DTNA: variants seen among roughly 807,000 people sequenced by gnomAD.
DTNA encodes dystrophin-related protein 3.
In DTNA, 43 loss-of-function variants were observed where a neutral mutation model predicts 100.7. The ratio of observed to expected loss-of-function variants is 0.43; its 90% CI spans 0.33 to 0.55. The LOEUF (loss-of-function observed/expected upper bound fraction) is 0.55, where lower values mean the gene tolerates loss of function less well. Ranked by LOEUF, DTNA falls within the 20% of genes least tolerant of loss-of-function variation. DTNA has a pLI of 0.04. For missense variants in DTNA, 798 were observed against 953.9 expected, an observed-to-expected ratio of 0.84 and a Z score of 2.15; for synonymous variants, 349 against 347.9, an observed-to-expected ratio of 1.00 and a Z score of -0.04.
At chr18:34,762,482 A>G (rs369866504) in intron 2 of DTNA, among the ~76,000 whole-genome samples, 105 of 152,314 alleles carry the variant, frequency 6.9e-4, no homozygotes, top group African/African-American at 2.5e-3. Flanking sequence ...GAATGAAGAC[A>G]CAGAACTAAT....
At chr18:34,744,368 T>C (rs2091226327) in intron 1 of DTNA, among the ~76,000 whole-genome samples, 1 of 152,152 alleles carries the variant, frequency 6.6e-6, no homozygotes, top group Non-Finnish European at 1.5e-5. Flanking sequence ...CATGCCACTG[T>C]TGGATTCACA....
chr18:34,664,594 G>A (rs948189805), intron 1 of DTNA, among the ~76,000 whole-genome samples: 3 of 152,038 alleles, frequency 2.0e-5, no homozygotes, highest in African/African-American at 7.2e-5. Flanking sequence ...TGGTGGTGTG[G>A]TTGTGGAGTG....
intron 1 of DTNA, among the ~76,000 whole-genome samples, chr18:34,685,127 G>A (rs978256666): frequency 1.3e-5 from 2 of 152,118 alleles, no homozygotes; most frequent in Admixed American, 6.6e-5. Flanking sequence ...TTCTTTTACT[G>A]TGCAGAAGCT....
chr18:34,744,206 T>C (rs964012471), intron 1 of DTNA, among the ~76,000 whole-genome samples: 1 of 152,152 alleles, frequency 6.6e-6, no homozygotes, highest in Non-Finnish European at 1.5e-5. Context: ...ACATAGTAAA[T>C]GAGAGGTTTC....
intron 1 of DTNA, among the ~76,000 whole-genome samples, chr18:34,545,570 A>G (rs1300022504): frequency 6.6e-6 from 1 of 152,132 alleles, no homozygotes; most frequent in Non-Finnish European, 1.5e-5. Context: ...TTTTCATGGT[A>G]GCATGTAAAA....
chr18:34,815,556 T>G, intron 6 of DTNA: 1 of 272,862 alleles, frequency 3.7e-6, no homozygotes, highest in Non-Finnish European at 7.1e-6. Context: ...TGAGCTATGA[T>G]GCGTTCTTGA....
At chr18:34,786,192 T>C (rs1422930188) in intron 3 of DTNA, among the ~76,000 whole-genome samples, 1 of 152,230 alleles carries the variant, frequency 6.6e-6, no homozygotes, top group Non-Finnish European at 1.5e-5. Flanking sequence ...ATCTGTTCAT[T>C]CTAAGGACAT....
chr18:34,825,875 A>G (rs16966033), intron 9 of DTNA, among the ~76,000 whole-genome samples: 21,193 of 152,196 alleles, frequency 0.14, 1,704 homozygotes, highest in African/African-American at 0.22. Flanking sequence ...CAAAGCTACA[A>G]TGAAGATATT....
chr18:34,556,175 A>C (rs1029204673), intron 1 of DTNA, among the ~76,000 whole-genome samples: 7 of 151,390 alleles, frequency 4.6e-5, no homozygotes, highest in East Asian at 1.9e-4. Flanking sequence ...CTGTTTTATC[A>C]GAGACTAGGA....
chr18:34,543,530 A>G (rs1246707410), intron 1 of DTNA, among the ~76,000 whole-genome samples: 5 of 152,064 alleles, frequency 3.3e-5, no homozygotes, highest in African/African-American at 9.7e-5. Context: ...ACCTGTTACA[A>G]TTCTCATGGA....
At chr18:34,493,939 G>C (rs1490418177) in intron 1 of DTNA, 1 of 147,976 alleles carries the variant, frequency 6.8e-6, no homozygotes, top group African/African-American at 2.4e-5. Flanking sequence ...CGCCTCCCCG[G>C]GCGGCGGGCG....
chr18:34,602,704 AAAAC>A (rs889471135), intron 1 of DTNA, among the ~76,000 whole-genome samples: 16 of 151,978 alleles, frequency 1.1e-4, no homozygotes, highest in African/African-American at 1.7e-4. Context: ...TCTACAAAAA[AAAAC>A]AAACAAACAA....
At position 34,812,035 on chromosome 18, in the gene DTNA, C is replaced by G; in HGVS notation, c.525C>G (p.Leu175=). 1 of 1,614,086 alleles carries G rather than the reference C, an allele frequency of 6.2e-7. No individual in the cohort carries two copies. Among genetic ancestry groups the G allele is most frequent in the African/African-American group, 1.3e-5 (1 of 75,050 alleles). ...ATGACCAATTCCTTCGGGAAGTTCT[C>G]AAACTACCCACGGCAGTTTTTGAAG... ...GRYDQFLREV[L]KLPTAVFEGP... Residue 175 remains leucine, a synonymous_variant, in exon 6 of 23, where the codon CTC becomes CTG. Transcript: ENST00000444659.
At chr18:34,523,205 A>G (rs1589477) in intron 1 of DTNA, among the ~76,000 whole-genome samples, 94,379 of 152,022 alleles carry the variant, frequency 0.62, 30,285 homozygotes, top group East Asian at 0.9. Context: ...AATCACCAAT[A>G]TACTCCTTTT....
chr18:34,656,728 GAAAC>G (rs2074425635), intron 1 of DTNA, among the ~76,000 whole-genome samples: 1 of 152,148 alleles, frequency 6.6e-6, no homozygotes, highest in African/African-American at 2.4e-5. Context: ...TATAAAAACT[GAAAC>G]AAAGAGAAGA....
intron 1 of DTNA, among the ~76,000 whole-genome samples, chr18:34,738,214 A>G (rs1417598626): frequency 6.6e-6 from 1 of 152,172 alleles, no homozygotes; most frequent in African/African-American, 2.4e-5. Flanking sequence ...CGGGACTTCA[A>G]ATTAAAGGCA....
intron 15 of DTNA, among the ~76,000 whole-genome samples, chr18:34,857,704 A>G (rs1454204532): frequency 1.3e-5 from 2 of 152,114 alleles, no homozygotes; most frequent in Non-Finnish European, 2.9e-5. Flanking sequence ...TAAGGCTGAG[A>G]GATTTAAGAA....
chr18:34,495,535 C>T (rs2039098546), intron 1 of DTNA, among the ~76,000 whole-genome samples: 1 of 152,166 alleles, frequency 6.6e-6, no homozygotes, highest in African/African-American at 2.4e-5. Context: ...TTCAGAACAC[C>T]ATCTTCCAGA....
chr18:34,534,062 C>A (rs1349659394), intron 1 of DTNA, among the ~76,000 whole-genome samples: 1 of 152,030 alleles, frequency 6.6e-6, no homozygotes, highest in Non-Finnish European at 1.5e-5. Flanking sequence ...AAAATACATT[C>A]TTGGCTGGGC....
Sources: allele counts gnomAD v4.1 joint callset (sites outside exome capture counted in the v4.1 genomes callset), GRCh38; gene constraint gnomAD v4.1.1; transcripts MANE v1.5; gene names NCBI Gene and HGNC (gene_info 2026-07-23, HGNC 2026-07-21).